The following GCNT2 variants were observed in gnomAD, a reference collection of about 807,000 sequenced individuals.
GCNT2 encodes N-acetyllactosaminide beta-1,6-N-acetylglucosaminyl-transferase.
Under a neutral mutation model 34.2 loss-of-function variants are expected in GCNT2, and 34 were observed. That is an observed-to-expected ratio of 1.00 (90% CI 0.76 to 1.32). The LOEUF is 1.32. Ranked by LOEUF, GCNT2 falls within the 40% of genes most tolerant of loss-of-function variation. The pLI is 0.00. For synonymous variants in GCNT2, 212 were observed against 188.0 expected (o/e 1.13, Z -1.04); for missense variants, 584 against 489.4 (o/e 1.19, Z -1.82).
chr6:10,565,207 A>T (rs1245828506), intron 3 of GCNT2, among the ~76,000 whole-genome samples: 3 of 152,230 alleles, frequency 2.0e-5, no homozygotes, highest in Non-Finnish European at 4.4e-5. Flanking sequence ...AGCATGAGGC[A>T]GGCAGTGCAT....
intron 3 of GCNT2, among the ~76,000 whole-genome samples, chr6:10,611,865 A>G (rs1395210490): frequency 6.6e-6 from 1 of 152,242 alleles, no homozygotes; most frequent in Non-Finnish European, 1.5e-5. Context: ...ACATTAAAGA[A>G]AGTTTTATAA....
chr6:10,627,955 C>G lies in GCNT2; in HGVS notation c.*1348C>G, dbSNP rs1295447989. ...CTTTATGTATCTAATTTCATTCAAA[C>G]CTCACAACAGTCTTGTGAGGCCCTT... On this transcript the variant is annotated 3_prime_UTR_variant, in exon 5 of 5. Transcript: ENST00000495262. 1 of 152,584 alleles carries G rather than the reference C, an allele frequency of 6.6e-6. No homozygotes were observed. The highest frequency in any genetic ancestry group is 2.4e-5 in the African/African-American group (1 of 41,446). The allele number at this position is 152,584 out of a possible 1,614,324, so 9.5% of individuals were successfully genotyped here.
At chr6:10,539,583 T>G (rs1761945803) in intron 3 of GCNT2, among the ~76,000 whole-genome samples, 1 of 152,050 alleles carries the variant, frequency 6.6e-6, no homozygotes, top group Non-Finnish European at 1.5e-5. Flanking sequence ...GTAGGACTGT[T>G]GAAGGATTAG....
At chr6:10,558,603 T>A (rs888236548) in intron 3 of GCNT2, among the ~76,000 whole-genome samples, 6 of 152,194 alleles carry the variant, frequency 3.9e-5, no homozygotes, top group African/African-American at 1.4e-4. Context: ...ACAAAATGGA[T>A]CTCTGATGAA....
intron 3 of GCNT2, among the ~76,000 whole-genome samples, chr6:10,614,845 G>T (rs942631): frequency 0.73 from 110,948 of 151,888 alleles, 40,741 homozygotes; most frequent in East Asian, 0.86. Flanking sequence ...GAATGGACGC[G>T]CGTTCATTCC....
At chr6:10,564,133 T>C (rs576782820) in intron 3 of GCNT2, among the ~76,000 whole-genome samples, 1 of 152,088 alleles carries the variant, frequency 6.6e-6, no homozygotes, top group South Asian at 2.1e-4. Context: ...GCAATTAATG[T>C]TTACTGAACA....
chr6:10,572,631 G>A (rs1465246272), intron 3 of GCNT2, among the ~76,000 whole-genome samples: 2 of 152,134 alleles, frequency 1.3e-5, no homozygotes, highest in African/African-American at 4.8e-5. Context: ...CTACTCAGGA[G>A]GCTGAGTCAG....
intron 3 of GCNT2, among the ~76,000 whole-genome samples, chr6:10,614,605 A>G: frequency 6.8e-6 from 1 of 147,470 alleles, no homozygotes; most frequent in Admixed American, 6.9e-5. Context: ...CAGCCTGGGC[A>G]ACAGAGCAAG....
intron 3 of GCNT2, among the ~76,000 whole-genome samples, chr6:10,590,996 G>T (rs1331566072): frequency 6.6e-6 from 1 of 152,174 alleles, no homozygotes; most frequent in East Asian, 1.9e-4. Context: ...CACCTTGGAA[G>T]TCACTTCCTC....
chr6:10,620,196 C>T (rs1165398079), intron 3 of GCNT2, among the ~76,000 whole-genome samples: 1 of 152,184 alleles, frequency 6.6e-6, no homozygotes, highest in Non-Finnish European at 1.5e-5. Flanking sequence ...GGCCATTATT[C>T]TGCCTACCAC....
chr6:10,579,863 G>T, intron 3 of GCNT2, among the ~76,000 whole-genome samples: 1 of 150,322 alleles, frequency 6.7e-6, no homozygotes, highest in Non-Finnish European at 1.5e-5. Flanking sequence ...TAATAAAATG[G>T]GCATGGAGCT....
At chr6:10,584,868 GAC>G (rs751285003) in intron 3 of GCNT2, among the ~76,000 whole-genome samples, 1 of 152,112 alleles carries the variant, frequency 6.6e-6, no homozygotes, top group East Asian at 1.9e-4. Context: ...TTTCTACATA[GAC>G]ACAGTAACAA....
At chr6:10,551,631 G>A (rs1472057361) in intron 3 of GCNT2, among the ~76,000 whole-genome samples, 8 of 152,066 alleles carry the variant, frequency 5.3e-5, no homozygotes, top group African/African-American at 1.9e-4. Context: ...TTTTAGTAGA[G>A]ACAGGGTTTC....
intron 4 of GCNT2, among the ~76,000 whole-genome samples, chr6:10,621,960 C>T (rs1766055279): frequency 6.6e-6 from 1 of 152,078 alleles, no homozygotes; most frequent in African/African-American, 2.4e-5. Flanking sequence ...CGAAAGCCAT[C>T]AGGAGGAGAA....
chr6:10,550,229 T>A (rs1762426382), intron 3 of GCNT2, among the ~76,000 whole-genome samples: 1 of 152,116 alleles, frequency 6.6e-6, no homozygotes, highest in Admixed American at 6.5e-5. Flanking sequence ...AATTTTTGTA[T>A]TTTTAGTAGA....
chr6:10,589,140 TGTG>T (rs1233490298), intron 3 of GCNT2, among the ~76,000 whole-genome samples: 14 of 143,372 alleles, frequency 9.8e-5, no homozygotes, highest in Admixed American at 2.1e-4. Flanking sequence ...GGTGTGGTTA[TGTG>T]GTGTGGGTGT....
At chr6:10,577,580 G>A (rs926163167) in intron 3 of GCNT2, among the ~76,000 whole-genome samples, 1 of 151,908 alleles carries the variant, frequency 6.6e-6, no homozygotes, top group African/African-American at 2.4e-5. Flanking sequence ...CACTCTTTTT[G>A]CCCAGGCTGG....
intron 3 of GCNT2, chr6:10,557,149 G>A: frequency 6.5e-7 from 1 of 1,550,334 alleles, no homozygotes; most frequent in Non-Finnish European, 8.7e-7. Context: ...TTTCCTATGT[G>A]ATAAGAACAA....
At chr6:10,550,179 G>A (rs908051130) in intron 3 of GCNT2, among the ~76,000 whole-genome samples, 1 of 151,888 alleles carries the variant, frequency 6.6e-6, no homozygotes, top group Non-Finnish European at 1.5e-5. Context: ...TCAGCCTCCC[G>A]AGTATCTGGG....
Sources: allele counts gnomAD v4.1 joint callset (sites outside exome capture counted in the v4.1 genomes callset), GRCh38; gene constraint gnomAD v4.1.1; transcripts MANE v1.5; gene names NCBI Gene and HGNC (gene_info 2026-07-23, HGNC 2026-07-21).